The following CTNNA2 variants were observed in gnomAD, a reference collection of about 807,000 sequenced individuals.
The protein encoded by CTNNA2 is catenin alpha-2.
In CTNNA2, 42 loss-of-function variants were observed where a neutral mutation model predicts 101.0. The observed-to-expected ratio is 0.42, with a 90% CI of 0.32 to 0.54. The LOEUF (loss-of-function observed/expected upper bound fraction) is 0.54, where lower values mean the gene tolerates loss of function less well. Among genes scored for constraint, CTNNA2 ranks in the 20% least tolerant of loss-of-function variants. The probability of loss-of-function intolerance (pLI) is 0.14; values close to 1 mark genes in which losing one functional copy is unlikely to be tolerated. For missense variants in CTNNA2, 871 were observed against 1,223.1 expected (o/e 0.71, Z 4.29); for synonymous variants, 450 against 456.4 (o/e 0.99, Z 0.18).
rs376350432 is a variant in CTNNA2 at position 79,700,401 on chromosome 2, G to A, written c.103-43986G>A. 2.8e-4 allele frequency among the ~76,000 whole-genome samples: 42 copies of A among 152,206 alleles called. 1 individual carries two copies. The East Asian group carries it at 6.8e-3, about 25-fold the overall frequency. ...CAAGAGAGAGAGACAGATGGGACAC[G>A]TAGAAATAATGGAGGTGCCAAGAGA... On this transcript the variant is annotated intron_variant, in intron 2 of 18. Coordinates refer to ENST00000402739, the MANE Select transcript of CTNNA2 (RefSeq NM_001282597.3).
At chr2:79,289,507 A>G (rs888092618) in intron 2 of CTNNA2, among the ~76,000 whole-genome samples, 3 of 152,174 alleles carry the variant, frequency 2.0e-5, no homozygotes, top group Admixed American at 1.3e-4. Context: ...CACGCCTGTA[A>G]TCCCAGCACT....
At chr2:80,590,407 A>G (rs1264269411) in intron 15 of CTNNA2, among the ~76,000 whole-genome samples, 1 of 151,880 alleles carries the variant, frequency 6.6e-6, no homozygotes, top group Non-Finnish European at 1.5e-5. Flanking sequence ...GCTGTTATAC[A>G]GATATAAACT....
chr2:79,459,693 CA>C (rs1670858163), intron 4 of CTNNA2, among the ~76,000 whole-genome samples: 1 of 152,176 alleles, frequency 6.6e-6, no homozygotes, highest in South Asian at 2.1e-4. Flanking sequence ...AGCCCTTGAA[CA>C]CAATCAAGAA....
chr2:80,176,119 A>G (rs1334278556), intron 7 of CTNNA2, among the ~76,000 whole-genome samples: 1 of 152,182 alleles, frequency 6.6e-6, no homozygotes, highest in Non-Finnish European at 1.5e-5. Context: ...GAAGTTGACA[A>G]TATTAACCAT....
At chr2:80,475,102 G>A (rs1685624167) in intron 9 of CTNNA2, among the ~76,000 whole-genome samples, 1 of 152,156 alleles carries the variant, frequency 6.6e-6, no homozygotes. Flanking sequence ...ACAGTCATCA[G>A]CACCCTTTTC....
chr2:79,799,679 T>C (rs1404370956), intron 3 of CTNNA2, among the ~76,000 whole-genome samples: 2 of 152,218 alleles, frequency 1.3e-5, no homozygotes, highest in East Asian at 1.9e-4. Flanking sequence ...AAATTTTTTC[T>C]TAAAATTGTT....
chr2:80,375,299 C>T (rs1392069298), intron 7 of CTNNA2, among the ~76,000 whole-genome samples: 2 of 152,022 alleles, frequency 1.3e-5, no homozygotes, highest in African/African-American at 4.8e-5. Flanking sequence ...GTAGGGATTT[C>T]TATGGAGCTC....
At chr2:79,895,353 C>T (rs760050872) in intron 6 of CTNNA2, among the ~76,000 whole-genome samples, 14 of 152,086 alleles carry the variant, frequency 9.2e-5, no homozygotes, top group Non-Finnish European at 1.8e-4. Context: ...ATTTCCCTTG[C>T]GGCCCGTGAA....
chr2:80,134,295 A>G (rs749999996), intron 7 of CTNNA2, among the ~76,000 whole-genome samples: 1 of 152,122 alleles, frequency 6.6e-6, no homozygotes, highest in Non-Finnish European at 1.5e-5. Context: ...AAATAAGAGT[A>G]AGAAGAGGGG....
intron 7 of CTNNA2, among the ~76,000 whole-genome samples, chr2:80,108,097 A>C (rs761094951): frequency 8.6e-5 from 13 of 152,032 alleles, no homozygotes; most frequent in Non-Finnish European, 1.8e-4. Context: ...TGAATGTGTT[A>C]CTCTTCCCAG....
intron 15 of CTNNA2, 45 bp downstream of exon 15, chr2:80,589,530 A>G (rs751476841): frequency 1.9e-6 from 3 of 1,588,752 alleles, no homozygotes; most frequent in East Asian, 2.2e-5. Context: ...CATTAAACCC[A>G]GAAGTGTAGC....
At chr2:79,769,204 A>C (rs1336343286) in intron 3 of CTNNA2, among the ~76,000 whole-genome samples, 2 of 152,048 alleles carry the variant, frequency 1.3e-5, no homozygotes, top group Non-Finnish European at 2.9e-5. Flanking sequence ...TTTTCCCCTT[A>C]AAAAATGTCC....
chr2:79,342,408 TC>T (rs1677158232), intron 3 of CTNNA2, among the ~76,000 whole-genome samples: 1 of 152,150 alleles, frequency 6.6e-6, no homozygotes, highest in African/African-American at 2.4e-5. Flanking sequence ...TTGCTATGGG[TC>T]TTGACTAGGG....
chr2:80,207,073 G>A (rs751295485), intron 7 of CTNNA2, among the ~76,000 whole-genome samples: 15 of 152,220 alleles, frequency 9.9e-5, no homozygotes, highest in South Asian at 4.2e-4. Flanking sequence ...CTGAGGCTAC[G>A]TTTCTTCCCC....
At chr2:79,702,424 A>G (rs886318910) in intron 2 of CTNNA2, among the ~76,000 whole-genome samples, 1 of 152,188 alleles carries the variant, frequency 6.6e-6, no homozygotes, top group Non-Finnish European at 1.5e-5. Flanking sequence ...TAGGGTCTAC[A>G]AAACCTGAAA....
chr2:79,516,513 G>T (rs1334928248), intron 1 of CTNNA2, among the ~76,000 whole-genome samples: 1 of 152,124 alleles, frequency 6.6e-6, no homozygotes, highest in Non-Finnish European at 1.5e-5. Context: ...ACATTAGAGA[G>T]ACTATTTACT....
chr2:79,898,097 A>G (rs1438854705), intron 6 of CTNNA2, among the ~76,000 whole-genome samples: 1 of 152,050 alleles, frequency 6.6e-6, no homozygotes, highest in Non-Finnish European at 1.5e-5. Flanking sequence ...GTAACATTTT[A>G]TACCTTGGTC....
intron 7 of CTNNA2, among the ~76,000 whole-genome samples, chr2:80,113,902 T>C (rs1232668311): frequency 6.6e-6 from 1 of 152,242 alleles, no homozygotes; most frequent in Non-Finnish European, 1.5e-5. Context: ...CTAAAGAATA[T>C]TTCATTATTT....
chr2:79,721,870 T>G (rs955281974), intron 2 of CTNNA2, among the ~76,000 whole-genome samples: 1 of 152,236 alleles, frequency 6.6e-6, no homozygotes. Context: ...GCAATGTTTT[T>G]GAAAATGTAT....
Sources: allele counts gnomAD v4.1 joint callset (sites outside exome capture counted in the v4.1 genomes callset), GRCh38; gene constraint gnomAD v4.1.1; transcripts MANE v1.5; gene names NCBI Gene and HGNC (gene_info 2026-07-23, HGNC 2026-07-21).